BICD1: variants seen among roughly 807,000 people sequenced by gnomAD.
BICD1 encodes the protein protein bicaudal D homolog 1.
BICD1 carries 35 observed loss-of-function variants against 92.5 expected under a neutral mutation model. The observed-to-expected ratio is 0.38, with a 90% CI of 0.29 to 0.50. BICD1 has a LOEUF of 0.50. Among genes scored for constraint, BICD1 ranks in the 20% least tolerant of loss-of-function variants. The pLI is 0.93. For missense variants in BICD1, 950 were observed against 1,189.8 expected (o/e 0.80, Z 2.97); for synonymous variants, 429 against 465.1 (o/e 0.92, Z 1.00).
chr12:32,335,802 C>G (rs553817625), intron 6 of BICD1, among the ~76,000 whole-genome samples: 1 of 151,510 alleles, frequency 6.6e-6, no homozygotes, highest in African/African-American at 2.4e-5. Context: ...CCAGGCTGGT[C>G]TCAAACTCCT....
intron 8 of BICD1, among the ~76,000 whole-genome samples, chr12:32,365,097 C>T (rs112814386): frequency 5.1e-4 from 77 of 151,840 alleles, no homozygotes; most frequent in African/African-American, 1.7e-3. Context: ...ATTAGCTGGG[C>T]GTGGTGGCGC....
chr12:32,375,150 C>T (rs1302639665), intron 9 of BICD1, among the ~76,000 whole-genome samples: 2 of 151,598 alleles, frequency 1.3e-5, no homozygotes, highest in Non-Finnish European at 2.9e-5. Flanking sequence ...TGGTCTCTAT[C>T]TCCTGAGCTC....
intron 2 of BICD1, among the ~76,000 whole-genome samples, chr12:32,220,926 G>A (rs1013450337): frequency 2.0e-4 from 29 of 147,624 alleles, no homozygotes; most frequent in African/African-American, 6.8e-4. Flanking sequence ...AAAAAATGAT[G>A]AGTTCATGTC....
intron 1 of BICD1, among the ~76,000 whole-genome samples, chr12:32,207,225 G>A (rs1267452656): frequency 1.2e-5 from 1 of 85,910 alleles, no homozygotes; most frequent in East Asian, 3.4e-4. Context: ...TATTCAATAT[G>A]TAACCACAAA....
At chr12:32,132,510 G>A (rs1209674976) in intron 1 of BICD1, among the ~76,000 whole-genome samples, 3 of 151,998 alleles carry the variant, frequency 2.0e-5, no homozygotes, top group South Asian at 4.1e-4. Context: ...TTTGCGGCTC[G>A]GAACTGTGCT....
intron 8 of BICD1, among the ~76,000 whole-genome samples, chr12:32,345,084 C>A (rs1021879940): frequency 3.3e-5 from 5 of 151,858 alleles, no homozygotes; most frequent in African/African-American, 1.2e-4. Flanking sequence ...CCCAGGAGTC[C>A]GAGACTGGCC....
At chr12:32,164,211 C>T (rs531150136) in intron 1 of BICD1, among the ~76,000 whole-genome samples, 3 of 152,174 alleles carry the variant, frequency 2.0e-5, no homozygotes, top group Non-Finnish European at 4.4e-5. Flanking sequence ...ATCATTGAGA[C>T]TTACAGATTT....
At chr12:32,243,264 A>ATTTTTTTTTT (rs71068310) in intron 2 of BICD1, among the ~76,000 whole-genome samples, 34 of 74,026 alleles carry the variant, frequency 4.6e-4, no homozygotes, top group Non-Finnish European at 5.7e-4. Flanking sequence ...TGCCTGGCTA[A>ATTTTTTTTTT]TTTTTTTTTT....
chr12:32,244,703 A>G lies in BICD1; in HGVS notation c.426+28244A>G, dbSNP rs528112575. ...GAGTGCAGTGGCACGATCTCGGCTC[A>G]CTGCAACCTCCACCTCCTGGGTTCA... On this transcript the variant is annotated intron_variant, in intron 2 of 9. Coordinates refer to ENST00000652176, the MANE Select transcript of BICD1 (RefSeq NM_001714.4). Among the ~76,000 whole-genome samples, 679 of 147,410 alleles carry G rather than the reference A, an allele frequency of 4.6e-3. 4 individuals are homozygous for G. The highest frequency in any genetic ancestry group is 0.016 in the African/African-American group (651 of 39,626).
At chr12:32,277,857 CTTTA>C (rs1947317808) in intron 2 of BICD1, among the ~76,000 whole-genome samples, 1 of 152,062 alleles carries the variant, frequency 6.6e-6, no homozygotes, top group South Asian at 2.1e-4. Context: ...TATTTTCATT[CTTTA>C]TTTGAGTATA....
At chr12:32,305,672 A>G in intron 3 of BICD1, 25 bp from the exon 4 acceptor site, 2 of 1,552,748 alleles carry the variant, frequency 1.3e-6, no homozygotes, top group East Asian at 2.3e-5. Context: ...AGTTTTATGA[A>G]TCTTCTTTAT....
chr12:32,228,928 G>A (rs1945787485), intron 2 of BICD1, among the ~76,000 whole-genome samples: 1 of 152,078 alleles, frequency 6.6e-6, no homozygotes, highest in South Asian at 2.1e-4. Flanking sequence ...TAAGAGCTTG[G>A]GAGAGAGGTC....
intron 8 of BICD1, among the ~76,000 whole-genome samples, chr12:32,359,277 A>G (rs1939231337): frequency 1.3e-5 from 2 of 152,130 alleles, no homozygotes; most frequent in Non-Finnish European, 2.9e-5. Flanking sequence ...GTCTTAGTCC[A>G]TTTTCTGTTC....
chr12:32,351,763 C>G (rs144797968), intron 8 of BICD1, among the ~76,000 whole-genome samples: 6,591 of 151,234 alleles, frequency 0.044, 464 homozygotes, highest in African/African-American at 0.15. Flanking sequence ...ATTAGCTGGG[C>G]ATGGTGGTGC....
chr12:32,136,578 A>T (rs567320220), intron 1 of BICD1, among the ~76,000 whole-genome samples: 38 of 152,298 alleles, frequency 2.5e-4, no homozygotes, highest in African/African-American at 8.4e-4. Flanking sequence ...GGACAAACAT[A>T]ATTGGAAGGA....
At chr12:32,299,296 CCTT>C (rs1336636585) in intron 3 of BICD1, among the ~76,000 whole-genome samples, 1 of 152,164 alleles carries the variant, frequency 6.6e-6, no homozygotes, top group African/African-American at 2.4e-5. Context: ...TTTTTAAGCA[CCTT>C]CTTGTTCCGT....
At chr12:32,172,108 G>A (rs1411050363) in intron 1 of BICD1, among the ~76,000 whole-genome samples, 1 of 151,946 alleles carries the variant, frequency 6.6e-6, no homozygotes, top group Non-Finnish European at 1.5e-5. Flanking sequence ...CTCAGGACTG[G>A]GCACGAATGC....
intron 5 of BICD1, chr12:32,333,056 TTC>T: frequency 1.0e-6 from 1 of 985,264 alleles, no homozygotes; most frequent in Non-Finnish European, 1.2e-6. Flanking sequence ...GATTTTGTAT[TTC>T]TGTTTCAGAT....
intron 4 of BICD1, among the ~76,000 whole-genome samples, chr12:32,318,825 G>T (rs1390935479): frequency 6.6e-6 from 1 of 152,180 alleles, no homozygotes; most frequent in Admixed American, 6.5e-5. Flanking sequence ...TCGCACTCCA[G>T]CCTGGGCAAC....
Sources: gnomAD v4.1 joint callset for allele counts (sites outside exome capture counted in the v4.1 genomes callset) on GRCh38, gnomAD v4.1.1 for gene constraint, MANE v1.5 for transcripts, NCBI Gene and HGNC (gene_info 2026-07-23, HGNC 2026-07-21) for gene names.